GABRR1: variants seen among roughly 807,000 people sequenced by gnomAD.
GABRR1 encodes gamma-aminobutyric acid receptor subunit rho-1.
In GABRR1, 59 loss-of-function variants were observed where a neutral mutation model predicts 55.5. The observed-to-expected ratio is 1.06, with a 90% CI of 0.86 to 1.32. The LOEUF (loss-of-function observed/expected upper bound fraction) is 1.32, where lower values mean the gene tolerates loss of function less well. GABRR1 is among the 40% of genes most tolerant of loss of function. The probability of loss-of-function intolerance (pLI) is 0.00; values close to 1 mark genes in which losing one functional copy is unlikely to be tolerated. For synonymous variants in GABRR1, 213 were observed against 226.0 expected, an observed-to-expected ratio of 0.94 and a Z score of 0.51; for missense variants, 602 against 619.1, an observed-to-expected ratio of 0.97 and a Z score of 0.29.
intron 3 of GABRR1, among the ~76,000 whole-genome samples, chr6:89,199,772 C>T (rs3777531): frequency 0.15 from 22,549 of 152,132 alleles, 2,025 homozygotes; most frequent in Admixed American, 0.25. Flanking sequence ...TGGTGTTGCA[C>T]CCTCTTTCAT....
intron 1 of GABRR1, among the ~76,000 whole-genome samples, chr6:89,210,333 A>G (rs1772795690): frequency 6.6e-6 from 1 of 151,564 alleles, no homozygotes; most frequent in Admixed American, 6.6e-5. Context: ...AGCTAGGACC[A>G]CAGGTGTGTG....
chr6:89,215,209 T>G (rs996520835), intron 1 of GABRR1, among the ~76,000 whole-genome samples: 1 of 152,160 alleles, frequency 6.6e-6, no homozygotes, highest in Non-Finnish European at 1.5e-5. Context: ...CCAAAGGACT[T>G]AAAAGCAGTT....
At chr6:89,204,796 A>G (rs1011908227) in intron 1 of GABRR1, 1 of 413,660 alleles carries the variant, frequency 2.4e-6, no homozygotes, top group Admixed American at 4.6e-5. Flanking sequence ...ATGTAAAAAA[A>G]TTTAGAAAAT....
chr6:89,208,397 C>T (rs922020988), intron 1 of GABRR1, among the ~76,000 whole-genome samples: 1 of 152,166 alleles, frequency 6.6e-6, no homozygotes, highest in Non-Finnish European at 1.5e-5. Flanking sequence ...ATTATGTTCT[C>T]TAAAATGTGT....
At chr6:89,180,511 C>T in intron 8 of GABRR1, 23 bp from the exon 9 acceptor site, 1 of 1,609,594 alleles carries the variant, frequency 6.2e-7, no homozygotes, top group Non-Finnish European at 8.5e-7. Context: ...GAATGAGAAA[C>T]AAGTGTTTGC....
intron 1 of GABRR1, among the ~76,000 whole-genome samples, chr6:89,211,789 T>C (rs1043748236): frequency 3.9e-5 from 6 of 152,174 alleles, no homozygotes; most frequent in African/African-American, 1.4e-4. Context: ...CCTCAACACC[T>C]CTGTGTTCCA....
intron 1 of GABRR1, among the ~76,000 whole-genome samples, chr6:89,223,710 CTT>C (rs200773450): frequency 3.4e-4 from 46 of 136,104 alleles, no homozygotes; most frequent in Admixed American, 4.5e-4. Flanking sequence ...ACACCAATAT[CTT>C]TTTTTTTTTT....
At position 89,198,080 on chromosome 6, in the gene GABRR1, G is replaced by A; in HGVS notation, c.512C>T (p.Thr171Ile). 2.5e-6 allele frequency: 4 copies of A among 1,614,120 alleles called. No individual in the cohort carries two copies. The highest frequency in any genetic ancestry group is 2.5e-6 in the Non-Finnish European group (3 of 1,180,024). Residue 171 changes from threonine (T) to isoleucine (I), a missense_variant, in exon 5 of 10, where the codon ACC becomes ATC. Physicochemically the swap from Thr to Ile is moderately conservative, Grantham distance 89. Transcript: ENST00000454853. ...VHSKRSFIHDTTTDNVMLRVQ... is the reference protein window; with the variant it reads ...VHSKRSFIHDITTDNVMLRVQ... Reference sequence around the variant, plus strand: ...CCGCAACATGACGTTGTCTGTGGTGGTGTCGTGGATGAAGGAGCGTTTGGA... The same window carrying A: ...CCGCAACATGACGTTGTCTGTGGTGATGTCGTGGATGAAGGAGCGTTTGGA...
intron 2 of GABRR1, among the ~76,000 whole-genome samples, chr6:89,202,304 TTTG>T (rs370942732): frequency 0.058 from 8,755 of 152,006 alleles, 370 homozygotes; most frequent in South Asian, 0.11. Flanking sequence ...TGTTTGTTTG[TTTG>T]TTTTGAGACA....
At chr6:89,201,394 TC>T in intron 2 of GABRR1, 129 bp from the exon 3 acceptor site, 1 of 627,482 alleles carries the variant, frequency 1.6e-6, no homozygotes, top group Non-Finnish European at 2.9e-6. Flanking sequence ...CTATTGGACA[TC>T]CCCTCTTTCT....
At chr6:89,204,731 T>C (rs1236676841) in intron 1 of GABRR1, 1 of 1,052,118 alleles carries the variant, frequency 9.5e-7, no homozygotes, top group Non-Finnish European at 1.2e-6. Context: ...AATACAGTTA[T>C]AGTCTTTTTC....
chr6:89,216,207 G>A (rs953880224), intron 1 of GABRR1, among the ~76,000 whole-genome samples: 5 of 152,202 alleles, frequency 3.3e-5, no homozygotes, highest in Admixed American at 1.3e-4. Context: ...GAGCCCATGT[G>A]ATGAGGGCTC....
intron 6 of GABRR1, among the ~76,000 whole-genome samples, chr6:89,188,012 TC>T (rs916312895): frequency 2.6e-5 from 4 of 151,710 alleles, no homozygotes; most frequent in Non-Finnish European, 5.9e-5. Flanking sequence ...GATCATATGT[TC>T]TTAATTTTTT....
intron 5 of GABRR1, among the ~76,000 whole-genome samples, chr6:89,195,289 C>CA (rs1387727252): frequency 6.6e-6 from 1 of 151,950 alleles, no homozygotes; most frequent in Non-Finnish European, 1.5e-5. Flanking sequence ...GGTGAAACCT[C>CA]ATTTCTACTA....
intron 7 of GABRR1, among the ~76,000 whole-genome samples, chr6:89,184,030 A>C (rs540316385): frequency 4.6e-5 from 7 of 152,144 alleles, no homozygotes; most frequent in Non-Finnish European, 1.0e-4. Flanking sequence ...ATTTGAGGTC[A>C]AGAGTTCAAG....
intron 4 of GABRR1, 95 bp downstream of exon 4, chr6:89,199,267 T>C: frequency 9.1e-7 from 1 of 1,101,958 alleles, no homozygotes. Flanking sequence ...CCCAGGGCAG[T>C]TGTGAGACTA....
At chr6:89,185,557 T>C in intron 6 of GABRR1, 107 bp from the exon 7 acceptor site, 1 of 926,904 alleles carries the variant, frequency 1.1e-6, no homozygotes, top group Non-Finnish European at 1.7e-6. Context: ...CTACTGGGAT[T>C]GTGATATGAT....
In GABRR1 at chr6:89,185,424, G is replaced by A; in HGVS notation, c.682C>T (p.Leu228=). ...GAGTCATTGCCCTTTTTCCAGTACAGCATGAGGTCATCTTCTGTATAGGCA... is the reference window on the plus strand; with the variant it reads ...GAGTCATTGCCCTTTTTCCAGTACAACATGAGGTCATCTTCTGTATAGGCA... The part of the protein sequence containing the change: ...SYAYTEDDLM[L]YWKKGNDSLK... Residue 228 remains leucine (L), a synonymous_variant, in exon 7 of 10, where the codon CTG becomes TTG. Coordinates refer to ENST00000454853, the MANE Select transcript of GABRR1 (RefSeq NM_002042.5). 6.2e-7 allele frequency: 1 copy of A among 1,613,564 alleles called. No individual in the cohort carries two copies. The highest frequency in any genetic ancestry group is 8.5e-7 in the Non-Finnish European group (1 of 1,179,560).
At chr6:89,184,091 T>G (rs1771816286) in intron 7 of GABRR1, among the ~76,000 whole-genome samples, 1 of 151,866 alleles carries the variant, frequency 6.6e-6, no homozygotes, top group African/African-American at 2.4e-5. Context: ...AATACAAAAA[T>G]TAGCCAGCCG....
Sources: gnomAD v4.1 joint callset for allele counts (sites outside exome capture counted in the v4.1 genomes callset) on GRCh38, gnomAD v4.1.1 for gene constraint, MANE v1.5 for transcripts, NCBI Gene and HGNC (gene_info 2026-07-23, HGNC 2026-07-21) for gene names.